Variants in MVB12B observed in about 807,000 individuals in gnomAD.
MVB12B encodes multivesicular body subunit 12B.
In MVB12B, 16 loss-of-function variants were observed where a neutral mutation model predicts 41.6. That is an observed-to-expected ratio of 0.38 (90% CI 0.26 to 0.58). MVB12B has a LOEUF of 0.58. MVB12B is among the 20% of genes least tolerant of loss of function. The pLI is 0.62. For missense variants in MVB12B, 274 were observed against 380.2 expected (o/e 0.72, Z 2.32); for synonymous variants, 133 against 139.7 (o/e 0.95, Z 0.34).
In MVB12B at chr9:126,386,827, A is replaced by G. The variant is rs948069067; in HGVS notation, c.409+169A>G. On this transcript the variant is annotated intron_variant, in intron 4 of 9. Transcript: ENST00000361171. This position sits in a 1 kb window ranked among gnomAD's most constrained non-coding sequence, Gnocchi z 4.3. The stretch of plus-strand genomic sequence containing the variant: ...GATGTGTGTCTGGCTGGGTTCTCCA[A>G]GGAGTTTGCAGAGTATTCTGGGTAG... Among the ~76,000 whole-genome samples the G allele has an allele frequency of 1.3e-5, 2 of 152,192 alleles. No individual in the cohort carries two copies. The highest frequency in any genetic ancestry group is 4.8e-5 in the African/African-American group (2 of 41,454).
chr9:126,435,369 CT>C (rs1832443130), intron 7 of MVB12B, among the ~76,000 whole-genome samples: 1 of 152,150 alleles, frequency 6.6e-6, no homozygotes, highest in South Asian at 2.1e-4. Context: ...CTCAGGGAAA[CT>C]TTTGGCATAA....
intron 2 of MVB12B, among the ~76,000 whole-genome samples, chr9:126,342,492 G>A (rs1286403886): frequency 6.6e-6 from 1 of 152,204 alleles, no homozygotes; most frequent in African/African-American, 2.4e-5. Flanking sequence ...AGAGCGCAGT[G>A]TCAAATGAGT....
Position 126,391,950 on chromosome 9 carries a change from A to T in MVB12B, c.410-116A>T. ...GCGCAGCCCTTCTGTCCAGCAGCTT[A>T]GGTGACCTGCCACTTCTGCTGCCAG... is the stretch of plus-strand genomic sequence containing the variant. On this transcript the variant is annotated intron_variant, in intron 4 of 9. Transcript: ENST00000361171. The surrounding 1 kb of genome is among the most constrained non-coding windows in gnomAD (Gnocchi z 4.4). The T allele has an allele frequency of 8.2e-7, 1 of 1,213,476 alleles. No homozygotes were observed. Among genetic ancestry groups the T allele is most frequent in the Non-Finnish European group, 1.2e-6 (1 of 837,642 alleles). The allele number at this position is 1,213,476 out of a possible 1,614,324, so 75.2% of individuals were successfully genotyped here. A position where few individuals can be genotyped will look rare whatever the true frequency, so the allele number is the denominator to read the frequency against.
chr9:126,429,665 T>A (rs1196941902), intron 7 of MVB12B, among the ~76,000 whole-genome samples: 4 of 152,226 alleles, frequency 2.6e-5, no homozygotes, highest in Non-Finnish European at 5.9e-5. Flanking sequence ...TTTAACCCTT[T>A]CGAAATGCAA....
chr9:126,487,513 A>G (rs1277246427), intron 9 of MVB12B, among the ~76,000 whole-genome samples: 1 of 152,208 alleles, frequency 6.6e-6, no homozygotes, highest in East Asian at 1.9e-4. Context: ...TAATCCCAGC[A>G]CTTTGGAAGG....
chr9:126,491,807 T>G (rs1833737590), intron 9 of MVB12B, among the ~76,000 whole-genome samples: 1 of 152,182 alleles, frequency 6.6e-6, no homozygotes, highest in Non-Finnish European at 1.5e-5. Context: ...GCAGAAATCA[T>G]GAGAGAAGTC....
At chr9:126,337,290 C>G (rs896016067) in intron 1 of MVB12B, among the ~76,000 whole-genome samples, 8 of 152,102 alleles carry the variant, frequency 5.3e-5, no homozygotes, top group African/African-American at 1.9e-4. Flanking sequence ...TTGGATCTCC[C>G]TCATTAGGCC....
intron 6 of MVB12B, chr9:126,396,088 G>A: frequency 9.9e-7 from 1 of 1,010,468 alleles, no homozygotes. Context: ...AGGAGGGTAG[G>A]TGAGTTCTTA....
Position 126,340,458 on chromosome 9 carries a change from A to G in MVB12B, c.82-50A>G, listed in dbSNP as rs1347486486. The G allele has an allele frequency of 1.2e-6, 2 of 1,606,708 alleles. No homozygotes were observed. On this transcript the variant is annotated intron_variant, in intron 1 of 9. Coordinates refer to ENST00000361171, the MANE Select transcript of MVB12B (RefSeq NM_033446.3). The surrounding 1 kb of genome is among the most constrained non-coding windows in gnomAD (Gnocchi z 4.0). The stretch of plus-strand genomic sequence containing the variant: ...CTGTTTGAGACTTTATATTATTCAC[A>G]TAAATGCTATGTTTGAATTTTGTGT...
chr9:126,400,752 A>G (rs1831245447), intron 6 of MVB12B, among the ~76,000 whole-genome samples: 1 of 152,128 alleles, frequency 6.6e-6, no homozygotes, highest in Non-Finnish European at 1.5e-5. Context: ...GATAGTGGAG[A>G]GTTGCTGCTG....
intron 3 of MVB12B, among the ~76,000 whole-genome samples, chr9:126,383,767 G>T (rs1830697166): frequency 6.6e-6 from 1 of 152,004 alleles, no homozygotes; most frequent in Non-Finnish European, 1.5e-5. Context: ...TACAGTGGCA[G>T]CCCTGTGTGA....
intron 7 of MVB12B, among the ~76,000 whole-genome samples, chr9:126,438,712 G>T (rs1367241968): frequency 6.6e-6 from 1 of 152,222 alleles, no homozygotes; most frequent in Non-Finnish European, 1.5e-5. Flanking sequence ...GCCCAGTGGG[G>T]TGGGGGTAGG....
intron 7 of MVB12B, among the ~76,000 whole-genome samples, chr9:126,476,242 G>A (rs369322264): frequency 1.4e-4 from 22 of 152,374 alleles, no homozygotes; most frequent in African/African-American, 4.3e-4. Flanking sequence ...GAGCCTGCCT[G>A]AGGGCCAGAA....
intron 7 of MVB12B, among the ~76,000 whole-genome samples, chr9:126,471,426 G>T (rs10819163): frequency 0.23 from 35,342 of 152,088 alleles, 4,686 homozygotes; most frequent in African/African-American, 0.35. Context: ...GGGAGGCTCC[G>T]GCAGTGGCTG....
chr9:126,381,477 G>C (rs1222735301), intron 3 of MVB12B, among the ~76,000 whole-genome samples: 1 of 152,088 alleles, frequency 6.6e-6, no homozygotes, highest in Non-Finnish European at 1.5e-5. Context: ...AGGGTAGTGC[G>C]GCAGTGAGAG....
intron 2 of MVB12B, among the ~76,000 whole-genome samples, chr9:126,364,442 T>C (rs1245542487): frequency 6.6e-6 from 1 of 152,170 alleles, no homozygotes; most frequent in Non-Finnish European, 1.5e-5. Context: ...TCTGAGTTGG[T>C]TGGAGCCAGA....
intron 9 of MVB12B, among the ~76,000 whole-genome samples, chr9:126,501,804 C>A (rs1453876936): frequency 2.0e-5 from 3 of 152,176 alleles, no homozygotes; most frequent in Non-Finnish European, 4.4e-5. Context: ...TGGGAGGGCT[C>A]CTTGCTGCAG....
intron 9 of MVB12B, among the ~76,000 whole-genome samples, chr9:126,497,136 C>T (rs1426753373): frequency 1.3e-5 from 2 of 152,160 alleles, no homozygotes; most frequent in Admixed American, 6.5e-5. Context: ...GACACACAGG[C>T]TTCTGCTTCT....
rs777218906 is a variant in MVB12B at position 126,404,260 on chromosome 9, G to A, written c.662+8563G>A. Among the ~76,000 whole-genome samples, 82 of 152,192 alleles carry A rather than the reference G, an allele frequency of 5.4e-4. 2 individuals are homozygous for A. The highest frequency in any genetic ancestry group is 1.2e-3 in the South Asian group (6 of 4,814). On this transcript the variant is annotated intron_variant, in intron 6 of 9. Transcript: ENST00000361171. ...GTGAGCCACCACACCCGGCCAACTC[G>A]TTTAATTCTAATAATAGCTCTGTGA... is the stretch of plus-strand genomic sequence containing the variant.
Sources: allele counts gnomAD v4.1 joint callset (sites outside exome capture counted in the v4.1 genomes callset), GRCh38; gene constraint gnomAD v4.1.1; non-coding constraint Gnocchi (gnomAD v3.1); transcripts MANE v1.5; gene names NCBI Gene and HGNC (gene_info 2026-07-23, HGNC 2026-07-21).